The following NOCT variants were observed in gnomAD, a reference collection of about 807,000 sequenced individuals.
NOCT encodes the protein CCR4 carbon catabolite repression 4-like.
A neutral mutation model predicts 35.0 loss-of-function variants in NOCT; 18 were observed. The observed-to-expected ratio is 0.51, with a 90% confidence interval of 0.36 to 0.76. NOCT has a LOEUF of 0.76. NOCT is among the 30% of genes least tolerant of loss of function. The pLI is 0.01. For missense variants in NOCT, 479 were observed against 541.0 expected (o/e 0.89, Z 1.14); for synonymous variants, 235 against 226.3 (o/e 1.04, Z -0.34).
rs59044230 is a variant in NOCT, at chr4:139,043,980, G to GTATATATATATATATATATATA, written c.460+640_461-635dup. ...GTGAGACACTGTCTCAAAAAAATAT[G>GTATATATATATATATATATATA]TATATATATATATATATATATATAC... On this transcript the variant is annotated intron_variant, in intron 2 of 2. Transcript: ENST00000280614. 1.1e-3 allele frequency: 152 copies of GTATATATATATATATATATATA among 135,334 alleles called. 2 individuals carry two copies. Among genetic ancestry groups the GTATATATATATATATATATATA allele is most frequent in the African/African-American group, 4.2e-3 (146 of 35,034 alleles). 8.4% of individuals were successfully genotyped at this position (135,334 alleles called of 1,614,324 possible).
intron 1 of NOCT, among the ~76,000 whole-genome samples, chr4:139,026,222 C>T (rs1726511956): frequency 6.6e-6 from 1 of 152,126 alleles, no homozygotes; most frequent in South Asian, 2.1e-4. Flanking sequence ...CTGCCTTAGC[C>T]TCCCAAGTAG....
rs1164472400 is a variant in NOCT, at chr4:139,043,053, CTG to C, written c.191-18_191-17del. On this transcript the variant is annotated intron_variant, in intron 1 of 2. Coordinates refer to ENST00000280614, the MANE Select transcript of NOCT (RefSeq NM_012118.4). Reference sequence around the variant, plus strand: ...TCAGGAAAAGGAGCTGAGTGTGTAACTGTGATTTCCTTTTCCGTAGTGTGTTC... The same window carrying C: ...TCAGGAAAAGGAGCTGAGTGTGTAACTGATTTCCTTTTCCGTAGTGTGTTC... 8 of 1,574,344 alleles carry C rather than the reference CTG, an allele frequency of 5.1e-6. No homozygotes were observed. Among genetic ancestry groups the C allele is most frequent in the East Asian group, 2.3e-5 (1 of 44,082 alleles).
At position 139,021,016 on chromosome 4, in the gene NOCT, G is replaced by C. The variant is rs140795119; in HGVS notation, c.190+4845G>C. 5.1e-3 allele frequency among the ~76,000 whole-genome samples: 759 copies of C among 148,888 alleles called. 11 individuals are homozygous for C. Among genetic ancestry groups the C allele is most frequent in the African/African-American group, 0.018 (725 of 40,176 alleles). On this transcript the variant is annotated intron_variant, in intron 1 of 2. Coordinates refer to ENST00000280614, the MANE Select transcript of NOCT (RefSeq NM_012118.4). The stretch of plus-strand genomic sequence containing the variant: ...CAGGAGGCGGAGGTATCAGTGAGCC[G>C]AGATTGCGCCATTGCACTCCAGCCT...
intron 2 of NOCT, 85 bp from the exon 3 acceptor site, chr4:139,044,554 G>A (rs975871898): frequency 1.2e-4 from 90 of 773,110 alleles, no homozygotes; most frequent in Non-Finnish European, 1.6e-4. Context: ...AGCATTCTGA[G>A]GGTCTTGAGT....
chr4:139,022,224 T>C (rs1022934739), intron 1 of NOCT, among the ~76,000 whole-genome samples: 4 of 152,174 alleles, frequency 2.6e-5, no homozygotes, highest in African/African-American at 9.6e-5. Context: ...TTGTTATTCT[T>C]AGAATGGGAG....
intron 1 of NOCT, 57 bp from the exon 2 acceptor site, chr4:139,043,017 T>C (rs1156421012): frequency 2.0e-6 from 3 of 1,499,988 alleles, no homozygotes; most frequent in East Asian, 4.6e-5. Flanking sequence ...ACAGTTGTGC[T>C]GGGCGAGAAG....
At chr4:139,039,639 C>G (rs1726799176) in intron 1 of NOCT, among the ~76,000 whole-genome samples, 2 of 151,230 alleles carry the variant, frequency 1.3e-5, no homozygotes, top group African/African-American at 4.9e-5. Flanking sequence ...TTTCTCATTT[C>G]TTTTTAATTT....
At chr4:139,019,253 C>T (rs928009138) in intron 1 of NOCT, among the ~76,000 whole-genome samples, 13 of 152,026 alleles carry the variant, frequency 8.6e-5, no homozygotes, top group Admixed American at 7.2e-4. Context: ...AGGATTTCAA[C>T]GTGTTGCCCG....
intron 1 of NOCT, among the ~76,000 whole-genome samples, chr4:139,038,369 G>A (rs1375815088): frequency 6.6e-6 from 1 of 152,128 alleles, no homozygotes; most frequent in African/African-American, 2.4e-5. Context: ...TTCTGAGGGT[G>A]AATTTGTTGA....
intron 1 of NOCT, among the ~76,000 whole-genome samples, chr4:139,042,071 C>CTT (rs368776726): frequency 0.52 from 56,731 of 108,500 alleles, 16,761 homozygotes; most frequent in Admixed American, 0.65. Flanking sequence ...TCTTTAAGAT[C>CTT]TTTTTTTTTT....
intron 1 of NOCT, among the ~76,000 whole-genome samples, chr4:139,022,936 T>C (rs4863492): frequency 0.97 from 146,869 of 152,048 alleles, 71,029 homozygotes; most frequent in Middle Eastern, 0.99. Flanking sequence ...CCCATCTTTA[T>C]GAAAAATGTA....
chr4:139,043,159 G>A lies in NOCT; in HGVS notation c.276G>A (p.Glu92=), dbSNP rs777639450. The change falls in exon 2 of 3, where the codon GAG becomes GAA. Residue 92 remains glutamate (E), a synonymous_variant. Coordinates refer to ENST00000280614, the MANE Select transcript of NOCT (RefSeq NM_012118.4). ...LNSSAASQHP[E]YLVSPDPEHL... ...GCAGCGCTGCCTCCCAGCACCCAGA[G>A]TATTTGGTGTCACCTGACCCAGAGC... is the stretch of plus-strand genomic sequence containing the variant. The A allele has an allele frequency of 1.2e-6, 2 of 1,614,106 alleles. No homozygotes were observed. Among genetic ancestry groups the A allele is most frequent in the Admixed American group, 1.7e-5 (1 of 60,000 alleles).
rs150151743 is a variant in NOCT at position 139,044,231 on chromosome 4, C to T, written c.461-408C>T. On this transcript the variant is annotated intron_variant, in intron 2 of 2. Transcript: ENST00000280614. ...AAAGCTGCCTATTTAAAATAAGTTC[C>T]ATTCATTCTGAGTAGTGTCCATAAT... Among the ~76,000 whole-genome samples, 433 of 145,916 alleles carry T rather than the reference C, an allele frequency of 3.0e-3. 5 individuals carry two copies. The highest frequency in any genetic ancestry group is 0.011 in the African/African-American group (415 of 39,160).
intron 1 of NOCT, among the ~76,000 whole-genome samples, chr4:139,026,209 C>G (rs1435468759): frequency 6.6e-6 from 1 of 152,114 alleles, no homozygotes; most frequent in Non-Finnish European, 1.5e-5. Flanking sequence ...TCAAGTGATT[C>G]TCCTGCCTTA....
At chr4:139,028,521 G>A (rs1726564434) in intron 1 of NOCT, among the ~76,000 whole-genome samples, 1 of 152,254 alleles carries the variant, frequency 6.6e-6, no homozygotes, top group Non-Finnish European at 1.5e-5. Flanking sequence ...TGTGACGACA[G>A]TGACGTCGAC....
intron 1 of NOCT, among the ~76,000 whole-genome samples, chr4:139,018,199 TAG>T (rs1726347410): frequency 6.6e-6 from 1 of 152,084 alleles, no homozygotes; most frequent in Admixed American, 6.6e-5. Flanking sequence ...ACAACATTGT[TAG>T]AGGTTTGAGG....
intron 2 of NOCT, 155 bp downstream of exon 2, chr4:139,043,498 A>G (rs1177437754): frequency 1.5e-6 from 1 of 650,270 alleles, no homozygotes; most frequent in Non-Finnish European, 2.6e-6. Flanking sequence ...AGAGGTTAAG[A>G]CAGGGAATCA....
rs532640078 is a variant in NOCT at position 139,034,354 on chromosome 4, T to G, written c.191-8720T>G. On this transcript the variant is annotated intron_variant, in intron 1 of 2. Transcript: ENST00000280614. ...TCTAATACATGAACTTTGGGGGACA[T>G]GCATTCAAACCATAATAAAGTGAGA... Among the ~76,000 whole-genome samples the G allele has an allele frequency of 3.3e-5, 5 of 152,282 alleles. No homozygotes were observed. In the East Asian group the frequency reaches 9.6e-4, roughly 29 times the overall value.
chr4:139,042,990 C>T, intron 1 of NOCT, 84 bp from the exon 2 acceptor site: 3 of 1,254,132 alleles, frequency 2.4e-6, no homozygotes, highest in Non-Finnish European at 3.3e-6. Flanking sequence ...TTTCGGTGGA[C>T]AGTAAATGTT....
Sources: allele counts gnomAD v4.1 joint callset (sites outside exome capture counted in the v4.1 genomes callset), GRCh38; gene constraint gnomAD v4.1.1; transcripts MANE v1.5; gene names NCBI Gene and HGNC (gene_info 2026-07-23, HGNC 2026-07-21).